Variants in FAAH observed in about 807,000 individuals in gnomAD.
FAAH encodes the protein fatty-acid amide hydrolase 1.
A neutral mutation model predicts 69.7 loss-of-function variants in FAAH; 63 were observed. That is an observed-to-expected ratio of 0.90 (90% confidence interval 0.74 to 1.12). FAAH has a LOEUF of 1.12. Among genes scored for constraint, FAAH ranks in the 50% most tolerant of loss-of-function variants. The pLI is 0.00. For synonymous variants in FAAH, 305 were observed against 324.2 expected (o/e 0.94, Z 0.64); for missense variants, 680 against 755.0 (o/e 0.90, Z 1.16).
rs765541471 is a variant in FAAH, at chr1:46,394,463, G to A, written c.115G>A (p.Gly39Ser). ...LRWSGRRTAR[G>S]AVVRARQRQR... ...CTGGTCCGGGCGCCGGACGGCGCGG[G>A]GCGCGGTGGTCCGGGCGCGACAGAG... The change falls in exon 1 of 15, where the codon GGC (glycine) becomes AGC (serine). Residue 39 changes from glycine (G) to serine (S), a missense_variant. Coordinates refer to ENST00000243167, the MANE Select transcript of FAAH (RefSeq NM_001441.3). 6 of 1,380,832 alleles carry A rather than the reference G, an allele frequency of 4.3e-6. No individual in the cohort carries two copies. The African/African-American group carries it at 7.6e-5, about 17-fold the overall frequency. The allele number at this position is 1,380,832 out of a possible 1,614,324, so 85.5% of individuals were successfully genotyped here. A position where few individuals can be genotyped will look rare whatever the true frequency, so the allele number is the denominator to read the frequency against.
intron 14 of FAAH, 82 bp from the exon 15 acceptor site, chr1:46,413,365 C>G: frequency 1.2e-6 from 2 of 1,611,290 alleles, no homozygotes; most frequent in South Asian, 1.1e-5. Flanking sequence ...GTTGTGGCCT[C>G]TCTCTAGCTG....
chr1:46,402,194 A>G lies in FAAH; in HGVS notation c.299A>G (p.Tyr100Cys), dbSNP rs141269245. 27 of 1,602,628 alleles carry G rather than the reference A, an allele frequency of 1.7e-5. No individual in the cohort carries two copies. Among genetic ancestry groups the G allele is most frequent in the Middle Eastern group, 3.3e-4 (2 of 6,062 alleles). Residue 100 changes from tyrosine to cysteine, a missense_variant, in exon 2 of 15, where the codon TAT (tyrosine) becomes TGT (cysteine). Tyr to Cys is a radical substitution (Grantham distance 194). Transcript: ENST00000243167. Reference protein sequence around the residue: ...ELAPEAVLFTYVGKAWEVNKG... With the variant: ...ELAPEAVLFTCVGKAWEVNKG... ...GCCCCTGAGGCCGTGCTCTTCACCTATGTGGGAAAGGTAAGGCCAGCCAAG... is the reference window on the plus strand; with the variant it reads ...GCCCCTGAGGCCGTGCTCTTCACCTGTGTGGGAAAGGTAAGGCCAGCCAAG...
At position 46,406,129 on chromosome 1, in the gene FAAH, AC is replaced by A. The variant is rs772425257; in HGVS notation, c.826+54del. 5 of 1,613,682 alleles carry A rather than the reference AC, an allele frequency of 3.1e-6. No individual in the cohort carries two copies. The African/African-American group carries it at 6.7e-5, about 22-fold the overall frequency. Reference sequence around the variant, plus strand: ...CCCGAGGAGGGTGGGGGTCGGCCTGACCCGCTTCCGCCCGTGCTTCTCAGGT... The same window carrying A: ...CCCGAGGAGGGTGGGGGTCGGCCTGACCGCTTCCGCCCGTGCTTCTCAGGT... On this transcript the variant is annotated intron_variant, in intron 6 of 14. Coordinates refer to ENST00000243167, the MANE Select transcript of FAAH (RefSeq NM_001441.3).
Position 46,394,560 on chromosome 1 carries a change from A to G in FAAH, c.195+17A>G. ...CGGCTCCAGGTGACTGCCGGAGCGT[A>G]GTGGGATGGGCGCGGCCTGAGGGTA... On this transcript the variant is annotated intron_variant, in intron 1 of 14. Coordinates refer to ENST00000243167, the MANE Select transcript of FAAH (RefSeq NM_001441.3). 1 of 1,342,018 alleles carries G rather than the reference A, an allele frequency of 7.5e-7. No individual in the cohort carries two copies. The highest frequency in any genetic ancestry group is 9.5e-7 in the Non-Finnish European group (1 of 1,053,810). 83.1% of individuals were successfully genotyped at this position (1,342,018 alleles called of 1,614,324 possible).
Position 46,404,910 on chromosome 1 carries a change from C to T in FAAH, c.310-104C>T. On this transcript the variant is annotated intron_variant, in intron 2 of 14. Transcript: ENST00000243167. This position sits in a 1 kb window ranked among gnomAD's most constrained non-coding sequence, Gnocchi z 4.5. Reference sequence around the variant, plus strand: ...GGCCATGTTGCTGGTTACCCCTCTCCCTGGGTATACTTTAAAAGGCCAGTT... The same window carrying T: ...GGCCATGTTGCTGGTTACCCCTCTCTCTGGGTATACTTTAAAAGGCCAGTT... The T allele has an allele frequency of 6.6e-7, 1 of 1,517,514 alleles. No homozygotes were observed. The highest frequency in any genetic ancestry group is 9.0e-7 in the Non-Finnish European group (1 of 1,105,878). The allele number at this position is 1,517,514 out of a possible 1,614,324, so 94.0% of individuals were successfully genotyped here.
rs1664954486 is a variant in FAAH at position 46,413,495 on chromosome 1, C to G, written c.1660C>G (p.Leu554Val). 11 of 1,614,096 alleles carry G rather than the reference C, an allele frequency of 6.8e-6. No individual in the cohort carries two copies. Among genetic ancestry groups the G allele is most frequent in the Non-Finnish European group, 9.3e-6 (11 of 1,180,010 alleles). The change falls in exon 15 of 15, where the codon CTG becomes GTG. Residue 554 changes from leucine to valine, a missense_variant. Physicochemically the swap from Leu to Val is conservative, Grantham distance 32 (BLOSUM62 1). Coordinates refer to ENST00000243167, the MANE Select transcript of FAAH (RefSeq NM_001441.3). ...GCCGGTGGCCGTGCAGTGTGTGGCTCTGCCCTGGCAAGAAGAGTTGTGTCT... is the reference window on the plus strand; with the variant it reads ...GCCGGTGGCCGTGCAGTGTGTGGCTGTGCCCTGGCAAGAAGAGTTGTGTCT... ...GLPVAVQCVA[L>V]PWQEELCLRF... is the part of the protein sequence containing the mutation.
In FAAH at chr1:46,404,978, C is replaced by G. The variant is rs1187302026; in HGVS notation, c.310-36C>G. 6.2e-7 allele frequency: 1 copy of G among 1,613,556 alleles called. No individual in the cohort carries two copies. The highest frequency in any genetic ancestry group is 1.1e-5 in the South Asian group (1 of 91,076). ...CACCACAATTTCTTAAAAAGGCCAG[C>G]CTCCTTTTATCTTATGTCTACTTCC... On this transcript the variant is annotated intron_variant, in intron 2 of 14. Coordinates refer to ENST00000243167, the MANE Select transcript of FAAH (RefSeq NM_001441.3). The surrounding 1 kb of genome is among the most constrained non-coding windows in gnomAD (Gnocchi z 4.5).
At chr1:46,407,809 C>A (rs1175035960) in intron 7 of FAAH, among the ~76,000 whole-genome samples, 1 of 152,170 alleles carries the variant, frequency 6.6e-6, no homozygotes, top group Non-Finnish European at 1.5e-5. Flanking sequence ...GTGACGTAAG[C>A]CCCGTTTCTC....
rs1664897959 is a variant in FAAH at position 46,410,747 on chromosome 1, C to T, written c.1276-67C>T. 6.2e-7 allele frequency: 1 copy of T among 1,602,570 alleles called. No individual in the cohort carries two copies. The highest frequency in any genetic ancestry group is 1.3e-5 in the African/African-American group (1 of 74,824). On this transcript the variant is annotated intron_variant, in intron 10 of 14. Coordinates refer to ENST00000243167, the MANE Select transcript of FAAH (RefSeq NM_001441.3). The surrounding 1 kb of genome is among the most constrained non-coding windows in gnomAD (Gnocchi z 4.9). Reference sequence around the variant, plus strand: ...GAGGGAGGGGTCCCCAGTGGCTTGGCCTGAAGAAGGTTGACGTCTGCCGTG... The same window carrying T: ...GAGGGAGGGGTCCCCAGTGGCTTGGTCTGAAGAAGGTTGACGTCTGCCGTG...
chr1:46,395,481 G>A (rs953614342), intron 1 of FAAH, among the ~76,000 whole-genome samples: 6 of 152,220 alleles, frequency 3.9e-5, no homozygotes, highest in African/African-American at 1.2e-4. Flanking sequence ...GTTTGGAGGC[G>A]TGGAAGGGCC....
At position 46,405,681 on chromosome 1, in the gene FAAH, C is replaced by T; in HGVS notation, c.672C>T (p.Leu224=). 1 of 1,613,594 alleles carries T rather than the reference C, an allele frequency of 6.2e-7. No homozygotes were observed. The highest frequency in any genetic ancestry group is 8.5e-7 in the Non-Finnish European group (1 of 1,180,044). The change falls in exon 5 of 15, where the codon CTC becomes CTT. Residue 224 remains leucine (L), a synonymous_variant. Transcript: ENST00000243167. This position sits in a 1 kb window ranked among gnomAD's most constrained non-coding sequence, Gnocchi z 4.1. ...GCTCCTCAGGGGGTGAAGGGGCCCTCATCGGGTCTGGAGGCTCCCCCCTGG... is the reference window on the plus strand; with the variant it reads ...GCTCCTCAGGGGGTGAAGGGGCCCTTATCGGGTCTGGAGGCTCCCCCCTGG... ...PGGSSGGEGA[L]IGSGGSPLGL...
intron 2 of FAAH, among the ~76,000 whole-genome samples, chr1:46,403,223 C>G (rs546566431): frequency 6.6e-6 from 1 of 151,736 alleles, no homozygotes; most frequent in Non-Finnish European, 1.5e-5. Flanking sequence ...CTCCACCTCC[C>G]GGGTTCAAGT....
chr1:46,398,612 C>T (rs1383234792), intron 1 of FAAH, among the ~76,000 whole-genome samples: 1 of 151,474 alleles, frequency 6.6e-6, no homozygotes, highest in Non-Finnish European at 1.5e-5. Flanking sequence ...TGGCTCACTG[C>T]AACCTCCGCC....
chr1:46,405,817 C>G lies in FAAH; in HGVS notation c.785+23C>G. 6.2e-7 allele frequency: 1 copy of G among 1,612,370 alleles called. No individual in the cohort carries two copies. The highest frequency in any genetic ancestry group is 8.5e-7 in the Non-Finnish European group (1 of 1,179,572). Reference sequence around the variant, plus strand: ...CAGGTAAGGTGGGTGGAGGGCGCTTCTGGGCCCCTCGCTGTGTGACCTTGG... The same window carrying G: ...CAGGTAAGGTGGGTGGAGGGCGCTTGTGGGCCCCTCGCTGTGTGACCTTGG... On this transcript the variant is annotated intron_variant, in intron 5 of 14. Coordinates refer to ENST00000243167, the MANE Select transcript of FAAH (RefSeq NM_001441.3). The surrounding 1 kb of genome is among the most constrained non-coding windows in gnomAD (Gnocchi z 4.1).
intron 1 of FAAH, 99 bp downstream of exon 1, chr1:46,394,642 A>G: frequency 9.6e-7 from 1 of 1,039,154 alleles, no homozygotes; most frequent in Non-Finnish European, 1.2e-6. Context: ...TGGGGCGGGC[A>G]GAGCAGATGT....
At position 46,394,557 on chromosome 1, in the gene FAAH, C is replaced by T; in HGVS notation, c.195+14C>T. The T allele has an allele frequency of 7.4e-7, 1 of 1,342,568 alleles. No homozygotes were observed. Among genetic ancestry groups the T allele is most frequent in the Non-Finnish European group, 9.5e-7 (1 of 1,054,122 alleles). The allele number at this position is 1,342,568 out of a possible 1,614,324, so 83.2% of individuals were successfully genotyped here. ...TTCCGGCTCCAGGTGACTGCCGGAG[C>T]GTAGTGGGATGGGCGCGGCCTGAGG... On this transcript the variant is annotated intron_variant, in intron 1 of 14. Coordinates refer to ENST00000243167, the MANE Select transcript of FAAH (RefSeq NM_001441.3).
chr1:46,394,416 TG>T lies in FAAH; in HGVS notation c.70del (p.Ala24ArgfsTer52). ...ASGVALACCF[V>X]AAAVALRWSG... ...GGGGTCGCCCTGGCCTGCTGCTTCG[TG>T]GCGGCGGCCGTGGCCCTGCGCTGGT... On this transcript the variant is annotated frameshift_variant, in exon 1 of 15. Coordinates refer to ENST00000243167, the MANE Select transcript of FAAH (RefSeq NM_001441.3). LOFTEE classifies it high-confidence loss of function. 6.7e-7 allele frequency: 1 copy of T among 1,481,842 alleles called. No individual in the cohort carries two copies. Among genetic ancestry groups the T allele is most frequent in the Non-Finnish European group, 8.9e-7 (1 of 1,119,830 alleles). 91.8% of individuals were successfully genotyped at this position (1,481,842 alleles called of 1,614,324 possible).
Position 46,408,483 on chromosome 1 carries a change from C to T in FAAH, c.976C>T (p.Arg326Cys), listed in dbSNP as rs200449828. ...EEVYTSSQPL[R>C]VGYYETDNYT... ...GGTCTACACCAGCTCTCAGCCCCTG[C>T]GTGTGGGGTACTATGAGACTGACAA... The change falls in exon 8 of 15, where the codon CGT becomes TGT. Residue 326 changes from arginine to cysteine, a missense_variant. By Grantham distance (180) the Arg-to-Cys change is radical (BLOSUM62 -3). Coordinates refer to ENST00000243167, the MANE Select transcript of FAAH (RefSeq NM_001441.3). 8 of 1,614,044 alleles carry T rather than the reference C, an allele frequency of 5.0e-6. No individual in the cohort carries two copies. The highest frequency in any genetic ancestry group is 2.2e-5 in the East Asian group (1 of 44,890).
chr1:46,413,613 T>C lies in FAAH; in HGVS notation c.*38T>C, dbSNP rs773325088. The C allele has an allele frequency of 1.2e-6, 2 of 1,613,674 alleles. No individual in the cohort carries two copies. The highest frequency in any genetic ancestry group is 2.2e-5 in the South Asian group (2 of 91,038). On this transcript the variant is annotated 3_prime_UTR_variant, in exon 15 of 15. Coordinates refer to ENST00000243167, the MANE Select transcript of FAAH (RefSeq NM_001441.3). ...CAGAGGACCTGAGACTCACACTCTC[T>C]GCAGCCCAGCCTAGTCAGGGCACAG...
Sources: allele counts gnomAD v4.1 joint callset (sites outside exome capture counted in the v4.1 genomes callset), GRCh38; gene constraint gnomAD v4.1.1; non-coding constraint Gnocchi (gnomAD v3.1); transcripts MANE v1.5; gene names NCBI Gene and HGNC (gene_info 2026-07-23, HGNC 2026-07-21).